Variants in SCIMP observed in about 807,000 individuals in gnomAD.
The protein encoded by SCIMP is SLP adapter and CSK-interacting membrane protein.
Under a neutral mutation model 22.0 loss-of-function variants are expected in SCIMP, and 18 were observed. The observed-to-expected ratio is 0.82, with a 90% CI of 0.56 to 1.21. The LOEUF (loss-of-function observed/expected upper bound fraction) is 1.21, where lower values mean the gene tolerates loss of function less well. SCIMP is among the 50% of genes most tolerant of loss of function. The probability of loss-of-function intolerance (pLI) is 0.00; values close to 1 mark genes in which losing one functional copy is unlikely to be tolerated. For synonymous variants in SCIMP, 53 were observed against 62.2 expected (o/e 0.85, Z 0.70); for missense variants, 155 against 171.2 (o/e 0.91, Z 0.53).
At chr17:5,218,944 G>A (rs1164941359) in intron 3 of SCIMP, among the ~76,000 whole-genome samples, 4 of 152,142 alleles carry the variant, frequency 2.6e-5, no homozygotes, top group Non-Finnish European at 4.4e-5. Flanking sequence ...GTTTTAGATA[G>A]TGTGTATACT....
At chr17:5,220,458 G>T (rs1282583741) in intron 3 of SCIMP, among the ~76,000 whole-genome samples, 4 of 148,098 alleles carry the variant, frequency 2.7e-5, no homozygotes, top group Admixed American at 6.7e-5. Flanking sequence ...AAAAAAAGAG[G>T]CTGGGTGCAG....
At chr17:5,212,983 T>C (rs193272859) in intron 4 of SCIMP, 1 of 169,654 alleles carries the variant, frequency 5.9e-6, no homozygotes, top group East Asian at 2.2e-4. Context: ...AGAACTACTT[T>C]AGGTTGAGTG....
intron 1 of SCIMP, among the ~76,000 whole-genome samples, chr17:5,225,183 G>A (rs1176793836): frequency 6.6e-6 from 1 of 152,194 alleles, no homozygotes; most frequent in African/African-American, 2.4e-5. Flanking sequence ...TGCATAACAC[G>A]GCCAGGTGCG....
intron 3 of SCIMP, among the ~76,000 whole-genome samples, chr17:5,215,567 T>A (rs1248619440): frequency 6.6e-6 from 1 of 152,142 alleles, no homozygotes; most frequent in Non-Finnish European, 1.5e-5. Context: ...TGAGCCGAGA[T>A]CATGCTACTG....
At chr17:5,211,205 A>G (rs2074523739) in intron 4 of SCIMP, among the ~76,000 whole-genome samples, 1 of 152,164 alleles carries the variant, frequency 6.6e-6, no homozygotes, top group Non-Finnish European at 1.5e-5. Context: ...CTGCATGGAA[A>G]CCATGAAGCA....
intron 3 of SCIMP, among the ~76,000 whole-genome samples, chr17:5,217,587 G>A (rs1432408177): frequency 2.9e-5 from 3 of 103,574 alleles, no homozygotes; most frequent in African/African-American, 8.1e-5. Context: ...AACAGTCCCC[G>A]GTGTGTGATG....
At chr17:5,217,445 G>T (rs193017632) in intron 3 of SCIMP, among the ~76,000 whole-genome samples, 91 of 151,770 alleles carry the variant, frequency 6.0e-4, no homozygotes, top group Non-Finnish European at 1.1e-3. Flanking sequence ...AAGTTTTAGG[G>T]TACATGTGCA....
At chr17:5,217,246 T>C (rs1598158456) in intron 3 of SCIMP, among the ~76,000 whole-genome samples, 1 of 152,226 alleles carries the variant, frequency 6.6e-6, no homozygotes, top group Non-Finnish European at 1.5e-5. Context: ...GTCTACTCGG[T>C]GGGGGAGACC....
intron 1 of SCIMP, among the ~76,000 whole-genome samples, chr17:5,233,466 G>A (rs74859829): frequency 0.12 from 18,597 of 152,028 alleles, 1,861 homozygotes; most frequent in East Asian, 0.46. Flanking sequence ...TCCACCTCCC[G>A]GGCTCAAACG....
chr17:5,214,814 T>C lies in SCIMP; in HGVS notation c.283+111A>G, dbSNP rs187389188. 764 of 618,814 alleles carry C rather than the reference T, an allele frequency of 1.2e-3. 2 individuals are homozygous for C. The highest frequency in any genetic ancestry group is 9.9e-3 in the African/African-American group (453 of 45,898). The allele number at this position is 618,814 out of a possible 1,614,324, so 38.3% of individuals were successfully genotyped here. ...GAGATCGTGCCATTGCACTCCAGCC[T>C]GGGTGACAGAGCAAGACTCCATCTA... On this transcript the variant is annotated intron_variant, in intron 4 of 4. Transcript: ENST00000574081.
At chr17:5,223,756 G>T in intron 1 of SCIMP, 1 of 350,686 alleles carries the variant, frequency 2.9e-6, no homozygotes, top group Non-Finnish European at 5.5e-6. Flanking sequence ...CGCCACGTTG[G>T]CCAGGCTGGT....
intron 3 of SCIMP, chr17:5,221,004 G>C: frequency 2.0e-6 from 1 of 504,064 alleles, no homozygotes; most frequent in Non-Finnish European, 3.7e-6. Context: ...GCTGCAGTGA[G>C]CCGAGATCGT....
chr17:5,226,194 G>A (rs2144336161), intron 1 of SCIMP, among the ~76,000 whole-genome samples: 1 of 152,232 alleles, frequency 6.6e-6, no homozygotes, highest in East Asian at 1.9e-4. Flanking sequence ...GGAAGACAGG[G>A]GCTGTTGCTT....
intron 1 of SCIMP, among the ~76,000 whole-genome samples, chr17:5,229,566 A>G (rs1238666978): frequency 2.0e-5 from 3 of 151,082 alleles, no homozygotes; most frequent in Non-Finnish European, 4.4e-5. Context: ...GCTAATTTTT[A>G]TATTTTTAGT....
At chr17:5,221,116 A>G (rs1567840464) in intron 3 of SCIMP, 171 bp downstream of exon 3, 14 of 707,798 alleles carry the variant, frequency 2.0e-5, no homozygotes, top group Admixed American at 4.1e-5. Context: ...TGCATCGACA[A>G]TGTCCTGAGT....
chr17:5,215,746 A>G (rs968795958), intron 3 of SCIMP, among the ~76,000 whole-genome samples: 27 of 152,212 alleles, frequency 1.8e-4, no homozygotes, highest in Admixed American at 7.9e-4. Context: ...TCACCAAAAC[A>G]TGCATTAGAA....
intron 4 of SCIMP, chr17:5,213,025 C>CTTTTTTTTTTTTTT: frequency 3.4e-6 from 2 of 586,330 alleles, no homozygotes; most frequent in Non-Finnish European, 2.1e-6. Context: ...GTGGTAACTT[C>CTTTTTTTTTTTTTT]TGAGCTGACA....
intron 1 of SCIMP, among the ~76,000 whole-genome samples, chr17:5,232,453 C>T (rs2074709973): frequency 1.3e-5 from 1 of 77,238 alleles, no homozygotes; most frequent in Non-Finnish European, 2.2e-5. Flanking sequence ...CAGTTTTACC[C>T]ACAGAGGCTG....
At chr17:5,232,864 C>T (rs2144354629) in intron 1 of SCIMP, among the ~76,000 whole-genome samples, 1 of 152,258 alleles carries the variant, frequency 6.6e-6, no homozygotes, top group East Asian at 1.9e-4. Flanking sequence ...CACGCACCAC[C>T]ATACCCGGCT....
Sources: allele counts gnomAD v4.1 joint callset (sites outside exome capture counted in the v4.1 genomes callset), GRCh38; gene constraint gnomAD v4.1.1; transcripts MANE v1.5; gene names NCBI Gene and HGNC (gene_info 2026-07-23, HGNC 2026-07-21).